Variants in PRKCI observed in about 807,000 individuals in gnomAD.
PRKCI encodes the protein protein kinase C iota type.
PRKCI carries 43 observed loss-of-function variants against 84.0 expected under a neutral mutation model. The ratio of observed to expected loss-of-function variants is 0.51; its 90% confidence interval spans 0.40 to 0.66. The LOEUF (loss-of-function observed/expected upper bound fraction) is 0.66. Ranked by LOEUF, PRKCI falls within the 30% of genes least tolerant of loss-of-function variation. The pLI, the probability that PRKCI is intolerant of heterozygous loss-of-function variation, is 0.00. For missense variants in PRKCI, 459 were observed against 745.6 expected (o/e 0.62, Z 4.48); for synonymous variants, 216 against 234.4 (o/e 0.92, Z 0.72).
chr3:170,282,966 G>A (rs1393715076), intron 11 of PRKCI, among the ~76,000 whole-genome samples: 2 of 151,862 alleles, frequency 1.3e-5, no homozygotes, highest in Non-Finnish European at 2.9e-5. Flanking sequence ...TTAGCCGGGC[G>A]TGGTGGCGGG....
intron 13 of PRKCI, 39 bp from the exon 14 acceptor site, chr3:170,293,344 A>G (rs1734611359): frequency 1.9e-6 from 3 of 1,559,918 alleles, no homozygotes; most frequent in African/African-American, 1.4e-5. Context: ...TCAAGAATGC[A>G]AAGTGTATAA....
intron 11 of PRKCI, among the ~76,000 whole-genome samples, chr3:170,282,944 A>C (rs1214365508): frequency 1.3e-5 from 2 of 151,792 alleles, no homozygotes; most frequent in Non-Finnish European, 2.9e-5. Context: ...ATCTCTACTA[A>C]AAATATAAAA....
chr3:170,292,607 C>T (rs993064205), intron 13 of PRKCI, among the ~76,000 whole-genome samples: 1 of 151,388 alleles, frequency 6.6e-6, no homozygotes, highest in Non-Finnish European at 1.5e-5. Context: ...AGTTTAAGAC[C>T]AAGGAGGCAG....
At chr3:170,294,290 A>T (rs1340950636) in intron 14 of PRKCI, among the ~76,000 whole-genome samples, 1 of 152,220 alleles carries the variant, frequency 6.6e-6, no homozygotes, top group African/African-American at 2.4e-5. Flanking sequence ...ACAAGCAGAC[A>T]AGTGCAGGGA....
chr3:170,297,217 T>A, intron 15 of PRKCI, 87 bp from the exon 16 acceptor site: 1 of 1,048,842 alleles, frequency 9.5e-7, no homozygotes, highest in Non-Finnish European at 1.5e-6. Context: ...AAGAGTATCA[T>A]GTGAGGGCAC....
intron 14 of PRKCI, among the ~76,000 whole-genome samples, chr3:170,293,932 C>T (rs1356219056): frequency 1.3e-5 from 2 of 152,152 alleles, no homozygotes; most frequent in South Asian, 2.1e-4. Flanking sequence ...CTGCCCACCT[C>T]AGCCTCCCCA....
In PRKCI at chr3:170,305,251, T is replaced by C. The variant is rs1734927195; in HGVS notation, c.*2124T>C. On this transcript the variant is annotated 3_prime_UTR_variant, in exon 18 of 18. Coordinates refer to ENST00000295797, the MANE Select transcript of PRKCI (RefSeq NM_002740.6). Reference sequence around the variant, plus strand: ...GAAGTTGGTTTAAAATGCACACTAGTGAGCCCACCTTAGACTTCTTTTGGG... The same window carrying C: ...GAAGTTGGTTTAAAATGCACACTAGCGAGCCCACCTTAGACTTCTTTTGGG... 1 of 152,648 alleles carries C rather than the reference T, an allele frequency of 6.6e-6. No homozygotes were observed. The highest frequency in any genetic ancestry group is 2.4e-5 in the African/African-American group (1 of 41,456). The allele number at this position is 152,648 out of a possible 1,614,324, so 9.5% of individuals were successfully genotyped here.
chr3:170,245,212 C>T (rs1198622642), intron 2 of PRKCI, among the ~76,000 whole-genome samples: 1 of 151,846 alleles, frequency 6.6e-6, no homozygotes, highest in Non-Finnish European at 1.5e-5. Flanking sequence ...TGGGAATGCC[C>T]AGTTTGTAGC....
chr3:170,244,594 G>T (rs916156789), intron 2 of PRKCI, among the ~76,000 whole-genome samples: 1 of 152,206 alleles, frequency 6.6e-6, no homozygotes, highest in Non-Finnish European at 1.5e-5. Context: ...GGTTGTGGGT[G>T]TAGGGGCCAG....
At chr3:170,243,551 T>G (rs1386216832) in intron 2 of PRKCI, among the ~76,000 whole-genome samples, 1 of 152,136 alleles carries the variant, frequency 6.6e-6, no homozygotes, top group Non-Finnish European at 1.5e-5. Context: ...AGCTGGATCA[T>G]GTGGTAGGTA....
intron 1 of PRKCI, among the ~76,000 whole-genome samples, chr3:170,231,892 A>C (rs1577339214): frequency 6.6e-6 from 1 of 152,210 alleles, no homozygotes; most frequent in Admixed American, 6.5e-5. Flanking sequence ...AAAGAATTAA[A>C]GTTAGTGTTA....
chr3:170,284,356 C>T, intron 11 of PRKCI, 105 bp from the exon 12 acceptor site: 1 of 1,010,132 alleles, frequency 9.9e-7, no homozygotes, highest in Non-Finnish European at 1.4e-6. Context: ...CCTAAAATCA[C>T]TGGGAGAAAA....
chr3:170,288,396 C>T (rs555809401), intron 12 of PRKCI, among the ~76,000 whole-genome samples: 9 of 152,290 alleles, frequency 5.9e-5, no homozygotes, highest in Admixed American at 2.0e-4. Context: ...AGATCTTTAT[C>T]GAGTAGGTCT....
chr3:170,233,651 T>C (rs1732860957), intron 1 of PRKCI, among the ~76,000 whole-genome samples: 1 of 152,238 alleles, frequency 6.6e-6, no homozygotes, highest in South Asian at 2.1e-4. Context: ...AATGTTTTAG[T>C]TCCTGGAACT....
At chr3:170,291,800 A>AT in intron 12 of PRKCI, 54 bp from the exon 13 acceptor site, 1 of 1,420,620 alleles carries the variant, frequency 7.0e-7, no homozygotes, top group South Asian at 1.2e-5. Context: ...GAAAGGGTGA[A>AT]TTTAAAACAG....
intron 4 of PRKCI, 105 bp downstream of exon 4, chr3:170,263,534 G>T: frequency 2.2e-6 from 2 of 925,854 alleles, no homozygotes; most frequent in Non-Finnish European, 3.4e-6. Flanking sequence ...GTGGACAGTG[G>T]CTAATGCCTG....
Position 170,222,432 on chromosome 3 carries a change from A to G in PRKCI, c.-238A>G. The G allele has an allele frequency of 2.3e-6, 1 of 437,854 alleles. No homozygotes were observed. The highest frequency in any genetic ancestry group is 4.0e-6 in the Non-Finnish European group (1 of 251,212). 27.1% of individuals were successfully genotyped at this position (437,854 alleles called of 1,614,324 possible). On this transcript the variant is annotated 5_prime_UTR_variant, in exon 1 of 18. Coordinates refer to ENST00000295797, the MANE Select transcript of PRKCI (RefSeq NM_002740.6). ...GCGAAGTGGGAGGGACCGACGCAGGAGGTGTCTTGGGCCCGGGCGGCTGTA... is the reference window on the plus strand; with the variant it reads ...GCGAAGTGGGAGGGACCGACGCAGGGGGTGTCTTGGGCCCGGGCGGCTGTA...
At chr3:170,222,876 T>TGGGC (rs1732527443) in intron 1 of PRKCI, 106 bp downstream of exon 1, 1 of 2,596 alleles carries the variant, frequency 3.9e-4, no homozygotes, top group African/African-American at 2.2e-3. Flanking sequence ...CGGATTGGGC[T>TGGGC]GGGCGGGCGG....
intron 1 of PRKCI, among the ~76,000 whole-genome samples, chr3:170,224,371 A>G (rs1015188591): frequency 7.2e-5 from 11 of 151,908 alleles, no homozygotes; most frequent in African/African-American, 2.4e-4. Context: ...GATATTTTTT[A>G]AAGTTTGTAG....
Sources: gnomAD v4.1 joint callset for allele counts (sites outside exome capture counted in the v4.1 genomes callset) on GRCh38, gnomAD v4.1.1 for gene constraint, MANE v1.5 for transcripts, NCBI Gene and HGNC (gene_info 2026-07-23, HGNC 2026-07-21) for gene names.